Variants in CADM2 observed in about 807,000 individuals in gnomAD.
The protein encoded by CADM2 is cell adhesion molecule 2, also known as immunoglobulin superfamily member 4D.
Under a neutral mutation model 49.8 loss-of-function variants are expected in CADM2, and 12 were observed. The ratio of observed to expected loss-of-function variants is 0.24; its 90% confidence interval spans 0.15 to 0.39. The LOEUF is 0.39. Ranked by LOEUF, CADM2 falls within the 10% of genes least tolerant of loss-of-function variation. The pLI is 1.00. For missense variants in CADM2, 378 were observed against 492.3 expected (o/e 0.77, Z 2.20); for synonymous variants, 214 against 175.4 (o/e 1.22, Z -1.74).
At chr3:84,996,044 C>G (rs2033162419) in intron 1 of CADM2, among the ~76,000 whole-genome samples, 2 of 152,122 alleles carry the variant, frequency 1.3e-5, no homozygotes, top group South Asian at 4.1e-4. Context: ...GACAAATGTA[C>G]AAGATCTTTC....
At chr3:85,171,571 G>C (rs1215829901) in intron 1 of CADM2, among the ~76,000 whole-genome samples, 1 of 152,164 alleles carries the variant, frequency 6.6e-6, no homozygotes, top group Non-Finnish European at 1.5e-5. Flanking sequence ...GTGAGACACA[G>C]AAAGGCTTAA....
intron 1 of CADM2, among the ~76,000 whole-genome samples, chr3:85,074,723 A>G (rs2036877178): frequency 6.6e-6 from 1 of 152,144 alleles, no homozygotes. Context: ...CAGCTCCCTC[A>G]CTAAATGTCT....
At chr3:85,721,039 T>G (rs1275240587) in intron 1 of CADM2, among the ~76,000 whole-genome samples, 2 of 152,166 alleles carry the variant, frequency 1.3e-5, no homozygotes, top group Non-Finnish European at 2.9e-5. Flanking sequence ...CAGAAGTGTG[T>G]TTTTTCTCTG....
At position 85,708,846 on chromosome 3, in the gene CADM2, C is replaced by T. The variant is rs1321705757; in HGVS notation, c.62-17676C>T. ...GCCTGAAATATACACAAAGGTTGCACGTGGAAGAATATTTTTTAAAAAGGT... is the reference window on the plus strand; with the variant it reads ...GCCTGAAATATACACAAAGGTTGCATGTGGAAGAATATTTTTTAAAAAGGT... On this transcript the variant is annotated intron_variant, in intron 1 of 9. Transcript: ENST00000383699. 6.6e-5 allele frequency among the ~76,000 whole-genome samples: 10 copies of T among 151,664 alleles called. No homozygotes were observed. In the South Asian group the frequency reaches 1.7e-3, roughly 25 times the overall value.
intron 8 of CADM2, among the ~76,000 whole-genome samples, chr3:86,042,057 A>T (rs1010829495): frequency 4.6e-5 from 7 of 152,002 alleles, no homozygotes; most frequent in Non-Finnish European, 8.8e-5. Context: ...CATACCAGAA[A>T]CTCTGGGACA....
chr3:84,971,942 C>T (rs1360423604), intron 1 of CADM2, among the ~76,000 whole-genome samples: 3 of 151,942 alleles, frequency 2.0e-5, no homozygotes, highest in African/African-American at 4.8e-5. Context: ...AATTGTGGTT[C>T]GTGTGGAAGT....
chr3:85,194,371 G>A (rs946781202), intron 1 of CADM2, among the ~76,000 whole-genome samples: 3 of 152,022 alleles, frequency 2.0e-5, no homozygotes, highest in Admixed American at 2.0e-4. Context: ...TTATATAGGA[G>A]GGTGACATGA....
chr3:85,239,653 A>G (rs1345469935), intron 1 of CADM2, among the ~76,000 whole-genome samples: 2 of 151,566 alleles, frequency 1.3e-5, no homozygotes, highest in Admixed American at 6.6e-5. Flanking sequence ...ACATTTATAA[A>G]TTTATTAAAA....
chr3:85,997,083 T>G (rs1174293451), intron 8 of CADM2, among the ~76,000 whole-genome samples: 1 of 152,208 alleles, frequency 6.6e-6, no homozygotes, highest in Non-Finnish European at 1.5e-5. Flanking sequence ...AGGTCAAGGC[T>G]GTCACTTTCA....
intron 1 of CADM2, among the ~76,000 whole-genome samples, chr3:85,487,115 T>C (rs2039448504): frequency 6.6e-6 from 1 of 152,210 alleles, no homozygotes; most frequent in African/African-American, 2.4e-5. Flanking sequence ...TAATTCTTTA[T>C]AGGAACGAGG....
chr3:84,986,014 C>G (rs982274421), intron 1 of CADM2, among the ~76,000 whole-genome samples: 7 of 152,156 alleles, frequency 4.6e-5, no homozygotes, highest in South Asian at 2.1e-4. Flanking sequence ...GAAAGCCTCT[C>G]AATGAACTTC....
chr3:85,510,082 A>C (rs1358036077), intron 1 of CADM2, among the ~76,000 whole-genome samples: 2 of 152,044 alleles, frequency 1.3e-5, no homozygotes, highest in African/African-American at 4.8e-5. Context: ...CAAAGAAAGA[A>C]AAGAAATACT....
At chr3:84,984,989 A>G (rs1024634814) in intron 1 of CADM2, among the ~76,000 whole-genome samples, 1 of 152,184 alleles carries the variant, frequency 6.6e-6, no homozygotes. Context: ...AAGATTGTTA[A>G]TCCAGTTCTC....
At chr3:84,962,603 G>A (rs954254903) in intron 1 of CADM2, among the ~76,000 whole-genome samples, 1 of 152,144 alleles carries the variant, frequency 6.6e-6, no homozygotes, top group Admixed American at 6.6e-5. Context: ...AAGGGTGGCG[G>A]GGGAACTAGT....
intron 1 of CADM2, among the ~76,000 whole-genome samples, chr3:85,344,380 AAAATAAATAAATAAATAAATAAAT>A (rs74850280): frequency 3.6e-5 from 5 of 140,340 alleles, no homozygotes; most frequent in Admixed American, 2.9e-4. Flanking sequence ...ACACCATCTC[AAAATAAATAAATAAATAAATAAAT>A]AAATAAATAA....
intron 1 of CADM2, among the ~76,000 whole-genome samples, chr3:85,636,307 G>T (rs1223815910): frequency 6.6e-6 from 1 of 151,948 alleles, no homozygotes; most frequent in Non-Finnish European, 1.5e-5. Context: ...GTGTGTTTTT[G>T]CCTTGGTTTA....
intron 1 of CADM2, among the ~76,000 whole-genome samples, chr3:85,317,125 G>C (rs1430170453): frequency 6.6e-6 from 1 of 150,960 alleles, no homozygotes; most frequent in Non-Finnish European, 1.5e-5. Context: ...AGTGGTGTTT[G>C]CTTTTTTTGG....
intron 2 of CADM2, among the ~76,000 whole-genome samples, chr3:85,751,542 A>G (rs1232266284): frequency 1.3e-5 from 2 of 152,182 alleles, no homozygotes; most frequent in African/African-American, 2.4e-5. Context: ...CTTGTCATCA[A>G]TACACCCATG....
intron 1 of CADM2, among the ~76,000 whole-genome samples, chr3:84,978,719 C>T (rs1208860342): frequency 6.6e-6 from 1 of 152,000 alleles, no homozygotes; most frequent in Admixed American, 6.6e-5. Flanking sequence ...CATGTGTGTT[C>T]TTTTTTATCA....
Sources: allele counts gnomAD v4.1 joint callset (sites outside exome capture counted in the v4.1 genomes callset), GRCh38; gene constraint gnomAD v4.1.1; transcripts MANE v1.5; gene names NCBI Gene and HGNC (gene_info 2026-07-23, HGNC 2026-07-21).